The following BRCA2 variants were observed in gnomAD, a reference collection of about 807,000 sequenced individuals.
BRCA2 encodes breast cancer type 2 susceptibility protein.
In BRCA2, 203 loss-of-function variants were observed where a neutral mutation model predicts 276.7. The ratio of observed to expected loss-of-function variants is 0.73; its 90% confidence interval spans 0.65 to 0.82. BRCA2 has a LOEUF of 0.82. BRCA2 is among the 40% of genes least tolerant of loss of function. BRCA2 has a pLI of 0.00. For missense variants in BRCA2, 3,920 were observed against 3,915.0 expected, an observed-to-expected ratio of 1.00 and a Z score of -0.03; for synonymous variants, 1,289 against 1,338.4, an observed-to-expected ratio of 0.96 and a Z score of 0.81.
At chr13:32,384,942 C>G (rs141129722) in intron 24 of BRCA2, 36 of 347,934 alleles carry the variant, frequency 1.0e-4, no homozygotes, top group African/African-American at 7.5e-4. Flanking sequence ...ATTTGAGAAG[C>G]CTGGTAACCT....
rs1370517493 is a variant in BRCA2 at position 32,337,330 on chromosome 13, A to G, written c.2975A>G (p.Lys992Arg). The G allele has an allele frequency of 6.2e-7, 1 of 1,613,656 alleles. No individual in the cohort carries two copies. The highest frequency in any genetic ancestry group is 8.5e-7 in the Non-Finnish European group (1 of 1,179,876). The change falls in exon 11 of 27, where the codon AAA becomes AGA. Residue 992 changes from lysine (K) to arginine (R), a missense_variant. Lys to Arg is a conservative substitution (Grantham distance 26). Transcript: ENST00000380152. ...GAAAAAAATAATGATTACATGAACA[A>G]ATGGGCAGGACTCTTAGGTCCAATT... Reference protein sequence around the residue: ...IPEKNNDYMNKWAGLLGPISN... With the variant: ...IPEKNNDYMNRWAGLLGPISN...
Position 32,319,199 on chromosome 13 carries a change from A to T in BRCA2, c.190A>T (p.Thr64Ser), listed in dbSNP as rs1555280376. The change falls in exon 3 of 27, where the codon ACT (threonine) becomes TCT (serine). Residue 64 changes from threonine to serine, a missense_variant. Thr to Ser is a moderately conservative substitution (Grantham distance 58). Around this residue, in one of 2 missense-constraint regions of BRCA2, gnomAD observed 3,263 missense variants for 3,156.9 expected, o/e 1.03. Transcript: ENST00000380152. ...CAATTACGAACCAAACCTATTTAAA[A>T]CTCCACAAAGGAAACCATCTTATAA... ...NNNYEPNLFK[T>S]PQRKPSYNQL... The T allele has an allele frequency of 6.2e-7, 1 of 1,613,894 alleles. No homozygotes were observed. Among genetic ancestry groups the T allele is most frequent in the Non-Finnish European group, 8.5e-7 (1 of 1,179,892 alleles).
At position 32,340,325 on chromosome 13, in the gene BRCA2, T is replaced by G. The variant is rs1064794160; in HGVS notation, c.5970T>G (p.Asp1990Glu). 1.9e-6 allele frequency: 3 copies of G among 1,614,070 alleles called. No homozygotes were observed. In the East Asian group the frequency reaches 6.7e-5, roughly 36 times the overall value. ...TASGKSVQVS[D>E]ASLQNARQVF... ...GTGGAAAATCTGTCCAGGTATCAGA[T>G]GCTTCATTACAAAACGCAAGACAAG... The change falls in exon 11 of 27, where the codon GAT becomes GAG. Residue 1990 changes from aspartate to glutamate, a missense_variant. Physicochemically the swap from Asp to Glu is conservative, Grantham distance 45 (BLOSUM62 2). Around this residue, in one of 2 missense-constraint regions of BRCA2, gnomAD observed 3,263 missense variants for 3,156.9 expected, o/e 1.03. Coordinates refer to ENST00000380152, the MANE Select transcript of BRCA2 (RefSeq NM_000059.4).
At chr13:32,323,277 T>C (rs1390590931) in intron 3 of BRCA2, among the ~76,000 whole-genome samples, 1 of 151,778 alleles carries the variant, frequency 6.6e-6, no homozygotes, top group East Asian at 1.9e-4. Context: ...CTTAGCCTCC[T>C]GAGTAGCTGG....
At chr13:32,318,964 G>A in intron 2 of BRCA2, 113 bp from the exon 3 acceptor site, 2 of 1,390,844 alleles carry the variant, frequency 1.4e-6, no homozygotes, top group East Asian at 2.3e-5. Flanking sequence ...CTTAACAAAA[G>A]TAATCCATAG....
intron 15 of BRCA2, among the ~76,000 whole-genome samples, chr13:32,357,415 T>G (rs1462139299): frequency 6.6e-6 from 1 of 152,246 alleles, no homozygotes; most frequent in African/African-American, 2.4e-5. Flanking sequence ...TTCTCCCTTT[T>G]GTTTCCCATC....
intron 15 of BRCA2, among the ~76,000 whole-genome samples, chr13:32,357,332 A>G (rs1290065560): frequency 6.6e-6 from 1 of 152,254 alleles, no homozygotes; most frequent in Non-Finnish European, 1.5e-5. Context: ...GGTGAAAGCA[A>G]GCACTTTGAA....
In BRCA2 at chr13:32,344,637, A is replaced by G. The variant is rs181183366; in HGVS notation, c.6921A>G (p.Ser2307=). 59 of 1,571,784 alleles carry G rather than the reference A, an allele frequency of 3.8e-5. No homozygotes were observed. The African/African-American group carries it at 7.3e-4, about 19-fold the overall frequency. Reference sequence around the variant, plus strand: ...ATCAAGAAAAATCCTTAAAGGCTTCAAAAAGCACTCCAGATGGTAAAATTA... The same window carrying G: ...ATCAAGAAAAATCCTTAAAGGCTTCGAAAAGCACTCCAGATGGTAAAATTA... ...IENQEKSLKA[S]KSTPDGTIKD... is the part of the protein sequence containing the mutation. The change falls in exon 12 of 27, where the codon TCA becomes TCG. Residue 2307 remains serine, a synonymous_variant. Transcript: ENST00000380152.
chr13:32,375,846 CA>C (rs2072867826), intron 20 of BRCA2, among the ~76,000 whole-genome samples: 1 of 152,056 alleles, frequency 6.6e-6, no homozygotes. Context: ...AGGTGTAAGC[CA>C]CCGTACCCGG....
chr13:32,386,943 A>G (rs1007082944), intron 24 of BRCA2, among the ~76,000 whole-genome samples: 1 of 152,198 alleles, frequency 6.6e-6, no homozygotes. Context: ...GGCAGGGTTA[A>G]TTCCTTCTGA....
chr13:32,384,735 T>C (rs1053428039), intron 24 of BRCA2: 15 of 248,738 alleles, frequency 6.0e-5, no homozygotes, highest in Admixed American at 5.6e-4. Flanking sequence ...ATGGGAGGTA[T>C]CAATTAAAGA....
In BRCA2 at chr13:32,363,210, T is replaced by C. The variant is rs757206472; in HGVS notation, c.8008T>C (p.Ser2670Pro). ...TACGGAAATTGATAGAAGCAGAAGA[T>C]CGGCTATAAAAAAGATAATGGAAAG... ...YDTEIDRSRRSAIKKIMERDD... is the reference protein window; with the variant it reads ...YDTEIDRSRRPAIKKIMERDD... Residue 2670 changes from serine (S) to proline (P), a missense_variant, in exon 18 of 27, where the codon TCG becomes CCG. By Grantham distance (74) the Ser-to-Pro change is moderately conservative (BLOSUM62 -1). This residue lies in a region of BRCA2 where 3,263 missense variants were observed against 3,156.9 expected (regional missense o/e 1.03). Coordinates refer to ENST00000380152, the MANE Select transcript of BRCA2 (RefSeq NM_000059.4). The C allele has an allele frequency of 3.1e-6, 5 of 1,613,862 alleles. No individual in the cohort carries two copies. In the South Asian group the frequency reaches 5.5e-5, roughly 18 times the overall value.
In BRCA2 at chr13:32,340,794, C is replaced by T. The variant is rs587781476; in HGVS notation, c.6439C>T (p.His2147Tyr). The change falls in exon 11 of 27, where the codon CAC (histidine) becomes TAC (tyrosine). Residue 2147 changes from histidine (H) to tyrosine (Y), a missense_variant. By Grantham distance (83) the His-to-Tyr change is moderately conservative. This residue lies in a region of BRCA2 where 3,263 missense variants were observed against 3,156.9 expected (regional missense o/e 1.03). Coordinates refer to ENST00000380152, the MANE Select transcript of BRCA2 (RefSeq NM_000059.4). Reference protein sequence around the residue: ...NVEGGSSENNHSIKVSPYLSQ... With the variant: ...NVEGGSSENNYSIKVSPYLSQ... ...TGAAGGTGGTTCTTCAGAAAATAAT[C>T]ACTCTATTAAAGTTTCTCCATATCT... The T allele has an allele frequency of 6.3e-7, 1 of 1,594,210 alleles. No individual in the cohort carries two copies. Among genetic ancestry groups the T allele is most frequent in the Non-Finnish European group, 8.5e-7 (1 of 1,174,204 alleles).
At chr13:32,378,230 C>T (rs2072887093) in intron 21 of BRCA2, among the ~76,000 whole-genome samples, 1 of 152,108 alleles carries the variant, frequency 6.6e-6, no homozygotes, top group Non-Finnish European at 1.5e-5. Flanking sequence ...AGGGCCTTGC[C>T]CAGCCACTCT....
chr13:32,339,232 A>G lies in BRCA2; in HGVS notation c.4877A>G (p.Asn1626Ser), dbSNP rs2137511192. Residue 1626 changes from asparagine to serine, a missense_variant, in exon 11 of 27, where the codon AAT (asparagine) becomes AGT (serine). Coordinates refer to ENST00000380152, the MANE Select transcript of BRCA2 (RefSeq NM_000059.4). Reference protein sequence around the residue: ...LSDNLCRQTENLKTSKSIFLK... With the variant: ...LSDNLCRQTESLKTSKSIFLK... ...GATAATTTATGTAGACAAACTGAAA[A>G]TCTCAAAACATCAAAAAGTATCTTT... 6.2e-7 allele frequency: 1 copy of G among 1,613,222 alleles called. No individual in the cohort carries two copies. Among genetic ancestry groups the G allele is most frequent in the Non-Finnish European group, 8.5e-7 (1 of 1,179,578 alleles).
At chr13:32,348,069 G>A (rs1225333152) in intron 13 of BRCA2, among the ~76,000 whole-genome samples, 2 of 149,764 alleles carry the variant, frequency 1.3e-5, no homozygotes, top group African/African-American at 5.1e-5. Flanking sequence ...CGTAAAATAA[G>A]AACAAGTTGC....
intron 7 of BRCA2, among the ~76,000 whole-genome samples, chr13:32,329,006 G>C (rs2072369532): frequency 6.6e-6 from 1 of 152,158 alleles, no homozygotes; most frequent in Non-Finnish European, 1.5e-5. Context: ...CTTTAGCTGG[G>C]AGTAAGTTAA....
intron 18 of BRCA2, among the ~76,000 whole-genome samples, chr13:32,368,989 T>C (rs2072808815): frequency 6.6e-6 from 1 of 152,002 alleles, no homozygotes; most frequent in African/African-American, 2.4e-5. Flanking sequence ...TTTTTATTTT[T>C]AGTAGAGACG....
At chr13:32,388,747 A>T (rs1218944359) in intron 24 of BRCA2, among the ~76,000 whole-genome samples, 1 of 151,380 alleles carries the variant, frequency 6.6e-6, no homozygotes, top group South Asian at 2.1e-4. Flanking sequence ...TAATGTTTGC[A>T]GAGTATATCT....
Sources: gnomAD v4.1 joint callset for allele counts (sites outside exome capture counted in the v4.1 genomes callset) on GRCh38, gnomAD v4.1.1 for gene constraint, gnomAD v4.1.1 regional missense constraint, MANE v1.5 for transcripts, NCBI Gene and HGNC (gene_info 2026-07-23, HGNC 2026-07-21) for gene names.